Variants in ILDR1 observed in about 807,000 individuals in gnomAD.
ILDR1 encodes the protein immunoglobulin like domain containing receptor 1.
In ILDR1, 56 loss-of-function variants were observed where a neutral mutation model predicts 62.4. That is an observed-to-expected ratio of 0.90 (90% CI 0.72 to 1.12). The LOEUF (loss-of-function observed/expected upper bound fraction) is 1.12, where lower values mean the gene tolerates loss of function less well. Among genes scored for constraint, ILDR1 ranks in the 50% most tolerant of loss-of-function variants. The probability of loss-of-function intolerance (pLI) is 0.00; values close to 1 mark genes in which losing one functional copy is unlikely to be tolerated. For synonymous variants in ILDR1, 284 were observed against 277.8 expected, an observed-to-expected ratio of 1.02 and a Z score of -0.22; for missense variants, 736 against 710.6, an observed-to-expected ratio of 1.04 and a Z score of -0.41.
the ILDR1 span, among the ~76,000 whole-genome samples, chr3:122,033,970 T>G: frequency 1.3e-5 from 2 of 152,322 alleles, no homozygotes; most frequent in African/African-American, 4.8e-5. Context: ...CTTGGTTCTT[T>G]GCATTTCTAC....
At position 122,011,314 on chromosome 3, in the gene ILDR1, G is replaced by A. The variant is rs371320776; in HGVS notation, c.59-4153C>T. The stretch of plus-strand genomic sequence containing the variant: ...TTGGTTAGAGTCAGAAATTGCTGTG[G>A]GGTAGCTTTGAAGATTGCAGAATCT... On this transcript the variant is annotated intron_variant, in intron 1 of 7. Transcript: ENST00000344209. Among the ~76,000 whole-genome samples the A allele has an allele frequency of 3.9e-5, 6 of 152,190 alleles. No homozygotes were observed. In the East Asian group the frequency reaches 7.7e-4, roughly 20 times the overall value.
intron 3 of ILDR1, among the ~76,000 whole-genome samples, chr3:122,002,322 G>A (rs1472611991): frequency 6.6e-6 from 1 of 152,088 alleles, no homozygotes; most frequent in Non-Finnish European, 1.5e-5. Context: ...ATCAGAGGTA[G>A]GTTCAAACCC....
intron 5 of ILDR1, among the ~76,000 whole-genome samples, chr3:121,998,829 C>G (rs1386178195): frequency 6.6e-6 from 1 of 152,176 alleles, no homozygotes; most frequent in Non-Finnish European, 1.5e-5. Context: ...GTGTCTTAGC[C>G]AATCCCACAG....
intron 5 of ILDR1, among the ~76,000 whole-genome samples, chr3:122,000,788 A>G (rs1301676775): frequency 6.6e-6 from 1 of 152,204 alleles, no homozygotes; most frequent in Non-Finnish European, 1.5e-5. Flanking sequence ...GGTAAATAGC[A>G]TCAGAATTGA....
At chr3:122,011,965 C>T (rs2071710692) in intron 1 of ILDR1, among the ~76,000 whole-genome samples, 1 of 152,138 alleles carries the variant, frequency 6.6e-6, no homozygotes, top group Non-Finnish European at 1.5e-5. Context: ...GCCTTGCTGA[C>T]AACAAATCCC....
intron 1 of ILDR1, among the ~76,000 whole-genome samples, chr3:122,013,533 C>A (rs1192148111): frequency 6.6e-6 from 1 of 152,142 alleles, no homozygotes; most frequent in Non-Finnish European, 1.5e-5. Flanking sequence ...GAGTTTATGG[C>A]TGAGCAGGCT....
chr3:122,020,267 C>T (rs545811000), intron 1 of ILDR1, among the ~76,000 whole-genome samples: 2 of 152,352 alleles, frequency 1.3e-5, no homozygotes, highest in South Asian at 2.1e-4. Context: ...CTTAATTTCA[C>T]TTAATCCTCA....
chr3:121,993,813 A>T lies in ILDR1; in HGVS notation c.936T>A (p.His312Gln). ...CCAGGGAGGACAGCATGCTGCAGGG[A>T]TGGCCAAATCTGCCTTTGAGGTCAG... is the stretch of plus-strand genomic sequence containing the variant. The part of the protein sequence containing the change: ...LPPDLKGRFG[H>Q]PCSMLSSLGS... The change falls in exon 7 of 8, where the codon CAT becomes CAA. Residue 312 changes from histidine to glutamine, a missense_variant. His to Gln is a conservative substitution (Grantham distance 24). Transcript: ENST00000344209. 1 of 1,614,106 alleles carries T rather than the reference A, an allele frequency of 6.2e-7. No individual in the cohort carries two copies. Among genetic ancestry groups the T allele is most frequent in the South Asian group, 1.1e-5 (1 of 91,082 alleles).
chr3:122,008,593 C>CTTTTCT (rs1458259700), intron 1 of ILDR1, among the ~76,000 whole-genome samples: 42 of 80,116 alleles, frequency 5.2e-4, no homozygotes, highest in African/African-American at 1.2e-3. Flanking sequence ...CTTTTCTTTT[C>CTTTTCT]TTTTTTTTTT....
At chr3:122,037,142 GTGCAGAGGGGAAT>G in the ILDR1 span, among the ~76,000 whole-genome samples, 1 of 152,250 alleles carries the variant, frequency 6.6e-6, no homozygotes, top group African/African-American at 2.4e-5. Flanking sequence ...TATTAGGGCA[GTGCAGAGGGGAAT>G]TGTGGGGTTG....
rs748282344 is a variant in ILDR1, at chr3:122,007,135, G to T, written c.85C>A (p.Gln29Lys). The change falls in exon 2 of 8, where the codon CAG becomes AAG. Residue 29 changes from glutamine to lysine, a missense_variant. By Grantham distance (53) the Gln-to-Lys change is moderately conservative. Coordinates refer to ENST00000344209, the MANE Select transcript of ILDR1 (RefSeq NM_001199799.2). ...AGCLSLLVTV[Q>K]HTERYVTLFA... is the part of the protein sequence containing the mutation. The stretch of plus-strand genomic sequence containing the variant: ...AGGGTGACATAGCGTTCTGTGTGCT[G>T]GACCGTCACAAGCAAGGACAGGCAC... 6.2e-7 allele frequency: 1 copy of T among 1,614,182 alleles called. No homozygotes were observed. The highest frequency in any genetic ancestry group is 1.7e-5 in the Admixed American group (1 of 60,028).
chr3:122,022,339 C>A (rs2071873906), upstream of ILDR1: 1 of 402,250 alleles, frequency 2.5e-6, no homozygotes, highest in Non-Finnish European at 4.4e-6. Flanking sequence ...CGGGGGACTG[C>A]GGCCACCTTC....
At chr3:121,994,460 G>A in intron 5 of ILDR1, 147 bp from the exon 6 acceptor site, 1 of 890,896 alleles carries the variant, frequency 1.1e-6, no homozygotes, top group South Asian at 2.4e-5. Context: ...GGGTTAAGGG[G>A]GTAGTAAATT....
chr3:122,049,552 G>A, the ILDR1 span, among the ~76,000 whole-genome samples: 1 of 152,144 alleles, frequency 6.6e-6, no homozygotes, highest in Non-Finnish European at 1.5e-5. Flanking sequence ...ATACTTAGGT[G>A]TTCTGATGTT....
chr3:122,060,547 C>T, the ILDR1 span, among the ~76,000 whole-genome samples: 5 of 151,836 alleles, frequency 3.3e-5, no homozygotes, highest in East Asian at 1.9e-4. Flanking sequence ...ACTCAGGAGG[C>T]GGAGGTGGGA....
chr3:122,000,385 A>T (rs1208249792), intron 5 of ILDR1, among the ~76,000 whole-genome samples: 3 of 152,176 alleles, frequency 2.0e-5, no homozygotes, highest in Non-Finnish European at 4.4e-5. Context: ...TGAAGTCTCC[A>T]TAAAAACCCA....
chr3:122,051,816 G>T, the ILDR1 span, among the ~76,000 whole-genome samples: 1 of 152,106 alleles, frequency 6.6e-6, no homozygotes, highest in Non-Finnish European at 1.5e-5. Context: ...CTTTAGCCTG[G>T]CTAAAGATTC....
chr3:122,045,310 C>T, the ILDR1 span, among the ~76,000 whole-genome samples: 8 of 149,272 alleles, frequency 5.4e-5, no homozygotes, highest in African/African-American at 2.0e-4. Flanking sequence ...TGTTCTTTTA[C>T]ATTTGCTGAG....
the ILDR1 span, among the ~76,000 whole-genome samples, chr3:122,029,945 C>G: frequency 6.6e-6 from 1 of 152,170 alleles, no homozygotes; most frequent in Non-Finnish European, 1.5e-5. Context: ...TTCTGGCATT[C>G]TACACTTCAA....
Sources: allele counts gnomAD v4.1 joint callset (sites outside exome capture counted in the v4.1 genomes callset), GRCh38; gene constraint gnomAD v4.1.1; transcripts MANE v1.5; gene names NCBI Gene and HGNC (gene_info 2026-07-23, HGNC 2026-07-21).